Variants in MVB12B observed in about 807,000 individuals in gnomAD.
MVB12B encodes the protein ESCRT-I complex subunit MVB12B.
In MVB12B, 16 loss-of-function variants were observed where a neutral mutation model predicts 41.6. That is an observed-to-expected ratio of 0.38 (90% CI 0.26 to 0.58). MVB12B has a LOEUF of 0.58. Among genes scored for constraint, MVB12B ranks in the 20% least tolerant of loss-of-function variants. The pLI, the probability that MVB12B is intolerant of heterozygous loss-of-function variation, is 0.62. For synonymous variants in MVB12B, 133 were observed against 139.7 expected (o/e 0.95, Z 0.34); for missense variants, 274 against 380.2 (o/e 0.72, Z 2.32).
intron 6 of MVB12B, among the ~76,000 whole-genome samples, chr9:126,410,059 T>C (rs1169757095): frequency 6.6e-6 from 1 of 152,192 alleles, no homozygotes; most frequent in East Asian, 1.9e-4. Flanking sequence ...ATTTAGGAAC[T>C]TGGGGAGTTT....
intron 6 of MVB12B, among the ~76,000 whole-genome samples, chr9:126,410,967 A>T (rs1831631928): frequency 6.8e-6 from 1 of 147,564 alleles, no homozygotes; most frequent in Admixed American, 6.9e-5. Context: ...TGCTTACTGC[A>T]GCCTCCACCT....
In MVB12B at chr9:126,408,175, GT is replaced by G. The variant is rs140108253; in HGVS notation, c.662+12480del. ...CGGCATGATAAGAATGCAAATAAGC[GT>G]TATTAGCCTAATGATTTTGCCGTCG... On this transcript the variant is annotated intron_variant, in intron 6 of 9. Transcript: ENST00000361171. 161 of 152,294 alleles carry G rather than the reference GT, an allele frequency of 1.1e-3. 1 individual carries two copies. Among genetic ancestry groups the G allele is most frequent in the African/African-American group, 3.8e-3 (158 of 41,552 alleles). 9.4% of individuals were successfully genotyped at this position (152,294 alleles called of 1,614,324 possible).
At chr9:126,448,997 C>A (rs552834056) in intron 7 of MVB12B, among the ~76,000 whole-genome samples, 4 of 152,198 alleles carry the variant, frequency 2.6e-5, no homozygotes, top group Non-Finnish European at 5.9e-5. Flanking sequence ...CGCTAGGCAG[C>A]GTGGCATAGA....
intron 7 of MVB12B, among the ~76,000 whole-genome samples, chr9:126,450,224 G>A (rs1832864606): frequency 6.6e-6 from 1 of 152,228 alleles, no homozygotes; most frequent in African/African-American, 2.4e-5. Flanking sequence ...CCCTGGGAAG[G>A]AAGGTCTGGC....
intron 2 of MVB12B, among the ~76,000 whole-genome samples, chr9:126,349,307 A>C (rs940057633): frequency 7.2e-5 from 11 of 152,198 alleles, no homozygotes; most frequent in African/African-American, 2.7e-4. Context: ...ATAAGAACTC[A>C]GTATTGGTTG....
chr9:126,424,080 GCT>G (rs1193937077), intron 7 of MVB12B, among the ~76,000 whole-genome samples: 1 of 152,298 alleles, frequency 6.6e-6, no homozygotes, highest in East Asian at 1.9e-4. Context: ...CTCCTGGCGG[GCT>G]CTGTGTCCCT....
intron 7 of MVB12B, among the ~76,000 whole-genome samples, chr9:126,425,114 A>G (rs1331531898): frequency 6.6e-6 from 1 of 152,144 alleles, no homozygotes; most frequent in South Asian, 2.1e-4. Flanking sequence ...TCATTTTAAC[A>G]ATTACATTCT....
intron 6 of MVB12B, among the ~76,000 whole-genome samples, chr9:126,410,601 G>T (rs544211169): frequency 3.3e-5 from 5 of 152,168 alleles, no homozygotes; most frequent in African/African-American, 1.2e-4. Context: ...AAGCCTTCAC[G>T]CGGGCCTCCC....
At chr9:126,488,545 T>G (rs1219349608) in intron 9 of MVB12B, among the ~76,000 whole-genome samples, 1 of 152,066 alleles carries the variant, frequency 6.6e-6, no homozygotes, top group Non-Finnish European at 1.5e-5. Context: ...AGGATCCCTC[T>G]GCACCACGTG....
intron 6 of MVB12B, chr9:126,396,878 G>T (rs575026247): frequency 7.1e-6 from 7 of 985,380 alleles, no homozygotes; most frequent in South Asian, 4.7e-5. Context: ...TTGAGTCTCT[G>T]TTGGGTTCAA....
intron 7 of MVB12B, among the ~76,000 whole-genome samples, chr9:126,476,747 G>A (rs1833429315): frequency 6.6e-6 from 1 of 151,468 alleles, no homozygotes; most frequent in Non-Finnish European, 1.5e-5. Context: ...CATGGTGGCG[G>A]GTGCCTGTAG....
At chr9:126,485,543 A>G (rs767679803) in intron 9 of MVB12B, among the ~76,000 whole-genome samples, 5 of 78,504 alleles carry the variant, frequency 6.4e-5, no homozygotes, top group Admixed American at 1.4e-4. Flanking sequence ...TCAGGGTACC[A>G]TCCACTGTGC....
intron 3 of MVB12B, among the ~76,000 whole-genome samples, chr9:126,383,767 G>A (rs1830697166): frequency 6.6e-6 from 1 of 152,004 alleles, no homozygotes; most frequent in Non-Finnish European, 1.5e-5. Context: ...TACAGTGGCA[G>A]CCCTGTGTGA....
At chr9:126,403,001 G>T (rs1422261516) in intron 6 of MVB12B, among the ~76,000 whole-genome samples, 1 of 152,194 alleles carries the variant, frequency 6.6e-6, no homozygotes, top group African/African-American at 2.4e-5. Context: ...CCTCTGGAGG[G>T]GTCGAACCTG....
Position 126,375,666 on chromosome 9 carries a change from G to A in MVB12B, c.205-5398G>A, listed in dbSNP as rs955159468. 7.2e-5 allele frequency among the ~76,000 whole-genome samples: 11 copies of A among 152,090 alleles called. 1 individual carries two copies. Among genetic ancestry groups the A allele is most frequent in the African/African-American group, 2.7e-4 (11 of 41,404 alleles). On this transcript the variant is annotated intron_variant, in intron 2 of 9. Transcript: ENST00000361171. ...CTCGGTTCTGCTGATGCATCCTCCA[G>A]TAGCTTCCTCAGAAAGGGCCCCTGG...
At chr9:126,475,823 C>CCAGCCTGGA (rs770426632) in intron 7 of MVB12B, among the ~76,000 whole-genome samples, 1 of 152,208 alleles carries the variant, frequency 6.6e-6, no homozygotes, top group African/African-American at 2.4e-5. Flanking sequence ...AAGTTCAAGA[C>CCAGCCTGGA]CAGCCTGGAC....
intron 9 of MVB12B, among the ~76,000 whole-genome samples, chr9:126,501,901 C>T (rs1465604808): frequency 6.6e-6 from 1 of 152,072 alleles, no homozygotes; most frequent in Non-Finnish European, 1.5e-5. Flanking sequence ...CAGGGCCCTC[C>T]CTGGGGCTGG....
intron 2 of MVB12B, among the ~76,000 whole-genome samples, chr9:126,348,426 CG>C (rs1412321934): frequency 6.6e-6 from 1 of 152,210 alleles, no homozygotes; most frequent in African/African-American, 2.4e-5. Context: ...CATCAGCTAT[CG>C]TTAGGTGATC....
chr9:126,490,627 G>A (rs1400367225), intron 9 of MVB12B, among the ~76,000 whole-genome samples: 1 of 152,212 alleles, frequency 6.6e-6, no homozygotes, highest in African/African-American at 2.4e-5. Flanking sequence ...CTTTAAAGCC[G>A]AAAGATGAGG....
Sources: gnomAD v4.1 joint callset for allele counts (sites outside exome capture counted in the v4.1 genomes callset) on GRCh38, gnomAD v4.1.1 for gene constraint, MANE v1.5 for transcripts, NCBI Gene and HGNC (gene_info 2026-07-23, HGNC 2026-07-21) for gene names.